The following PLEKHD1 variants were observed in gnomAD, a reference collection of about 807,000 sequenced individuals.
PLEKHD1 encodes pleckstrin homology and coiled-coil domain containing D1.
A neutral mutation model predicts 69.2 loss-of-function variants in PLEKHD1; 51 were observed. The observed-to-expected ratio is 0.74, with a 90% confidence interval of 0.59 to 0.93. The LOEUF (loss-of-function observed/expected upper bound fraction) is 0.93. Among genes scored for constraint, PLEKHD1 ranks in the 40% least tolerant of loss-of-function variants. The pLI, the probability that PLEKHD1 is intolerant of heterozygous loss-of-function variation, is 0.00. For synonymous variants in PLEKHD1, 236 were observed against 244.7 expected (o/e 0.96, Z 0.33); for missense variants, 584 against 641.0 (o/e 0.91, Z 0.96).
chr14:69,515,284 C>G (rs947039673), intron 6 of PLEKHD1, among the ~76,000 whole-genome samples: 1 of 152,192 alleles, frequency 6.6e-6, no homozygotes, highest in African/African-American at 2.4e-5. Context: ...CACTGAGAAC[C>G]TGGTAGAGCT....
chr14:69,506,367 G>A (rs975109213), intron 6 of PLEKHD1, among the ~76,000 whole-genome samples: 2 of 152,164 alleles, frequency 1.3e-5, no homozygotes, highest in Non-Finnish European at 2.9e-5. Context: ...AGTCTATAAT[G>A]GGGCTGCTAC....
chr14:69,482,199 G>A (rs150032459), upstream of PLEKHD1, among the ~76,000 whole-genome samples: 126 of 152,304 alleles, frequency 8.3e-4, no homozygotes, highest in African/African-American at 2.5e-3. Context: ...GAAGAAACCT[G>A]TGCTTCACTT....
chr14:69,508,459 T>C lies in PLEKHD1; in HGVS notation c.555+5580T>C, dbSNP rs1344462558. Among the ~76,000 whole-genome samples the C allele has an allele frequency of 2.0e-5, 3 of 151,738 alleles. No individual in the cohort carries two copies. In the East Asian group the frequency reaches 5.8e-4, roughly 29 times the overall value. On this transcript the variant is annotated intron_variant, in intron 6 of 12. Coordinates refer to ENST00000322564, the MANE Select transcript of PLEKHD1 (RefSeq NM_001161498.2). Reference sequence around the variant, plus strand: ...ATTTTTGAGTCAGGGTCCCACACTGTCATCCAGGCTGAGTGCAGTGGCGTG... The same window carrying C: ...ATTTTTGAGTCAGGGTCCCACACTGCCATCCAGGCTGAGTGCAGTGGCGTG...
intron 6 of PLEKHD1, among the ~76,000 whole-genome samples, chr14:69,519,843 G>A (rs1883469034): frequency 6.6e-6 from 1 of 152,156 alleles, no homozygotes; most frequent in African/African-American, 2.4e-5. Context: ...CATTTGTGAA[G>A]CGGCAGAGGC....
At chr14:69,501,614 G>T in intron 4 of PLEKHD1, 120 bp from the exon 5 acceptor site, 1 of 707,084 alleles carries the variant, frequency 1.4e-6, no homozygotes, top group Non-Finnish European at 2.3e-6. Context: ...TGAGATTCTG[G>T]AGGAGAAAGG....
chr14:69,488,510 C>T (rs1882702646), intron 1 of PLEKHD1, among the ~76,000 whole-genome samples: 1 of 152,168 alleles, frequency 6.6e-6, no homozygotes, highest in Admixed American at 6.5e-5. Flanking sequence ...AGAATTGTAA[C>T]ATTTCCTCTG....
the PLEKHD1 span, among the ~76,000 whole-genome samples, chr14:69,476,191 G>A: frequency 6.9e-6 from 1 of 145,450 alleles, no homozygotes; most frequent in Non-Finnish European, 1.5e-5. Context: ...CCAGGAGGTG[G>A]AAGTTGCAGT....
upstream of PLEKHD1, among the ~76,000 whole-genome samples, chr14:69,480,761 A>C (rs948251323): frequency 1.3e-5 from 2 of 152,068 alleles, no homozygotes; most frequent in East Asian, 3.9e-4. Context: ...CAAGCAAGTC[A>C]CCTGCCTCAG....
intron 6 of PLEKHD1, among the ~76,000 whole-genome samples, chr14:69,516,891 G>A (rs978766202): frequency 6.6e-6 from 1 of 152,134 alleles, no homozygotes; most frequent in Non-Finnish European, 1.5e-5. Flanking sequence ...GGCTGGCCTC[G>A]AACTCCTGAG....
chr14:69,508,644 T>TG (rs1883205451), intron 6 of PLEKHD1, among the ~76,000 whole-genome samples: 2 of 152,082 alleles, frequency 1.3e-5, no homozygotes, highest in African/African-American at 4.8e-5. Flanking sequence ...GGGGCAAACA[T>TG]GGGACTAAAA....
At chr14:69,472,496 C>T in the PLEKHD1 span, among the ~76,000 whole-genome samples, 33 of 152,330 alleles carry the variant, frequency 2.2e-4, no homozygotes, top group African/African-American at 7.7e-4. Flanking sequence ...ACGTTAATCA[C>T]CGTGTCATGT....
chr14:69,528,442 C>A lies in PLEKHD1; in HGVS notation c.*23C>A. On this transcript the variant is annotated 3_prime_UTR_variant, in exon 13 of 13. Transcript: ENST00000322564. ...TGATGGGCGCTCCTCCCCTGCTTCC[C>A]AAGTCTCCCCTGGATGGGCGGGGGA... 6.5e-7 allele frequency: 1 copy of A among 1,547,470 alleles called. No individual in the cohort carries two copies. Among genetic ancestry groups the A allele is most frequent in the Non-Finnish European group, 8.7e-7 (1 of 1,146,018 alleles).
intron 6 of PLEKHD1, 123 bp downstream of exon 6, chr14:69,503,002 CG>C: frequency 1.7e-6 from 2 of 1,169,738 alleles, no homozygotes; most frequent in Non-Finnish European, 2.5e-6. Flanking sequence ...TGGGGCAGGG[CG>C]GGGAGGCCAA....
At chr14:69,527,568 C>T (rs1278551563) in intron 11 of PLEKHD1, among the ~76,000 whole-genome samples, 1 of 152,250 alleles carries the variant, frequency 6.6e-6, no homozygotes, top group Admixed American at 6.5e-5. Context: ...TTATCAAAAG[C>T]TCAGAGCTCT....
In PLEKHD1 at chr14:69,526,849, T is replaced by G. The variant is rs563156782; in HGVS notation, c.1056+20T>G. On this transcript the variant is annotated intron_variant, in intron 10 of 12. Coordinates refer to ENST00000322564, the MANE Select transcript of PLEKHD1 (RefSeq NM_001161498.2). ...CTCAAGGTGCGACCTGGCCTGCTGG[T>G]GCCAGGGCCCTTCCCCTTCCCTGGA... 1.3e-6 allele frequency: 2 copies of G among 1,514,872 alleles called. No individual in the cohort carries two copies. The highest frequency in any genetic ancestry group is 4.9e-5 in the East Asian group (2 of 40,472). 93.8% of individuals were successfully genotyped at this position (1,514,872 alleles called of 1,614,324 possible).
chr14:69,502,388 T>A (rs1426337031), intron 5 of PLEKHD1: 1 of 233,022 alleles, frequency 4.3e-6, no homozygotes, highest in Non-Finnish European at 8.5e-6. Context: ...AAGATGAGAC[T>A]GAGGGTTTGC....
At chr14:69,520,002 A>T (rs1018814391) in intron 6 of PLEKHD1, among the ~76,000 whole-genome samples, 29 of 151,846 alleles carry the variant, frequency 1.9e-4, no homozygotes, top group Non-Finnish European at 4.4e-5. Flanking sequence ...GCTGAACTCT[A>T]CTAAAAATGC....
chr14:69,527,378 C>T, intron 11 of PLEKHD1, 46 bp downstream of exon 11: 2 of 1,549,836 alleles, frequency 1.3e-6, no homozygotes, highest in Non-Finnish European at 1.7e-6. Context: ...GGCACTCAGC[C>T]CCAGATGGGA....
intron 1 of PLEKHD1, among the ~76,000 whole-genome samples, chr14:69,493,736 G>A (rs1017398773): frequency 3.3e-5 from 5 of 152,206 alleles, no homozygotes; most frequent in East Asian, 1.9e-4. Flanking sequence ...GGCACCCTGC[G>A]AATGCTCTTT....
Sources: allele counts gnomAD v4.1 joint callset (sites outside exome capture counted in the v4.1 genomes callset), GRCh38; gene constraint gnomAD v4.1.1; transcripts MANE v1.5; gene names NCBI Gene and HGNC (gene_info 2026-07-23, HGNC 2026-07-21).